The following SYCP1 variants were observed in gnomAD, a reference collection of about 807,000 sequenced individuals.
SYCP1 encodes cancer/testis antigen 8.
In SYCP1, 64 loss-of-function variants were observed where a neutral mutation model predicts 153.1. The observed-to-expected ratio is 0.42, with a 90% CI of 0.34 to 0.51. SYCP1 has a LOEUF of 0.51. Among genes scored for constraint, SYCP1 ranks in the 20% least tolerant of loss-of-function variants. SYCP1 has a pLI of 0.06. For missense variants in SYCP1, 997 were observed against 1,049.0 expected, an observed-to-expected ratio of 0.95 and a Z score of 0.68; for synonymous variants, 384 against 341.8, an observed-to-expected ratio of 1.12 and a Z score of -1.36.
intron 15 of SYCP1, among the ~76,000 whole-genome samples, chr1:114,889,566 A>G (rs1043992784): frequency 6.6e-6 from 1 of 151,926 alleles, no homozygotes; most frequent in Non-Finnish European, 1.5e-5. Context: ...TTTTTCTTGT[A>G]AACTTGTTTA....
At chr1:114,964,194 T>A (rs2101892691) in intron 27 of SYCP1, among the ~76,000 whole-genome samples, 1 of 152,340 alleles carries the variant, frequency 6.6e-6, no homozygotes, top group Middle Eastern at 3.4e-3. Context: ...TCTCTTCATA[T>A]CCTTTGCCCA....
At chr1:114,912,977 T>C in intron 18 of SYCP1, 56 bp from the exon 19 acceptor site, 1 of 1,245,880 alleles carries the variant, frequency 8.0e-7, no homozygotes, top group East Asian at 2.3e-5. Flanking sequence ...TAAAATTCCA[T>C]ATTATGTCAT....
intron 11 of SYCP1, 190 bp downstream of exon 11, chr1:114,877,000 T>C (rs1197188276): frequency 2.3e-5 from 6 of 264,312 alleles, no homozygotes; most frequent in African/African-American, 1.3e-4. Flanking sequence ...GTACTCACTC[T>C]AGCTTTTTTT....
intron 20 of SYCP1, among the ~76,000 whole-genome samples, chr1:114,914,725 A>G (rs1279682078): frequency 3.3e-5 from 5 of 152,172 alleles, no homozygotes; most frequent in Non-Finnish European, 7.3e-5. Context: ...CTAAGTTCCA[A>G]ATTAAGTCCA....
intron 27 of SYCP1, among the ~76,000 whole-genome samples, chr1:114,958,515 T>C (rs1350014968): frequency 6.6e-6 from 1 of 152,180 alleles, no homozygotes; most frequent in Non-Finnish European, 1.5e-5. Flanking sequence ...TTGATTATTA[T>C]GTATCATATA....
chr1:114,907,211 T>C (rs1054152226), intron 16 of SYCP1, among the ~76,000 whole-genome samples: 18 of 152,324 alleles, frequency 1.2e-4, no homozygotes, highest in African/African-American at 4.1e-4. Context: ...TATTTGTACA[T>C]ATGTGCTTAT....
chr1:114,928,518 G>A (rs1669407743), intron 23 of SYCP1, among the ~76,000 whole-genome samples: 1 of 152,164 alleles, frequency 6.6e-6, no homozygotes, highest in African/African-American at 2.4e-5. Flanking sequence ...TCAAGTTGAA[G>A]GAAAATGGCA....
At chr1:114,944,699 TCTTA>T (rs1670582893) in intron 24 of SYCP1, among the ~76,000 whole-genome samples, 169 bp from the exon 25 acceptor site, 1 of 151,890 alleles carries the variant, frequency 6.6e-6, no homozygotes, top group South Asian at 2.1e-4. Flanking sequence ...TATAGTGTCA[TCTTA>T]CTTCATAAAA....
At chr1:114,876,008 A>G (rs1205706549) in intron 9 of SYCP1, 61 bp from the exon 10 acceptor site, 1 of 1,134,212 alleles carries the variant, frequency 8.8e-7, no homozygotes, top group Non-Finnish European at 1.2e-6. Context: ...TAATATTTTC[A>G]TAGTTTGAAG....
At chr1:114,975,192 A>G (rs1051497992) in intron 27 of SYCP1, among the ~76,000 whole-genome samples, 5 of 151,694 alleles carry the variant, frequency 3.3e-5, no homozygotes, top group African/African-American at 1.2e-4. Context: ...TTTTAATCCA[A>G]TTTTTGTGTT....
intron 21 of SYCP1, among the ~76,000 whole-genome samples, chr1:114,925,310 A>T (rs191796776): frequency 6.6e-6 from 1 of 152,170 alleles, no homozygotes; most frequent in Non-Finnish European, 1.5e-5. Context: ...AAAAACATGA[A>T]TTTAATTTTT....
chr1:114,889,247 T>C (rs900764389), intron 15 of SYCP1, among the ~76,000 whole-genome samples: 2 of 152,164 alleles, frequency 1.3e-5, no homozygotes, highest in African/African-American at 4.8e-5. Context: ...GGTCAAATGG[T>C]ATTTCTAGTT....
At chr1:114,985,919 A>G (rs1673469048) in intron 30 of SYCP1, among the ~76,000 whole-genome samples, 1 of 151,840 alleles carries the variant, frequency 6.6e-6, no homozygotes, top group South Asian at 2.1e-4. Flanking sequence ...TTTGAAAAAA[A>G]AAAAAATAAA....
In SYCP1 at chr1:114,977,633, C is replaced by T. The variant is rs1186128576; in HGVS notation, c.2382+17C>T. 2 of 1,436,728 alleles carry T rather than the reference C, an allele frequency of 1.4e-6. No homozygotes were observed. The highest frequency in any genetic ancestry group is 2.4e-5 in the Admixed American group (1 of 42,518). The allele number at this position is 1,436,728 out of a possible 1,614,324, so 89.0% of individuals were successfully genotyped here. On this transcript the variant is annotated intron_variant, in intron 28 of 31. Transcript: ENST00000369522. ...AAAGACAAGGTAAGAGCATATAATTCTCATAGTTTTAAAATACCAATTCAT... is the reference window on the plus strand; with the variant it reads ...AAAGACAAGGTAAGAGCATATAATTTTCATAGTTTTAAAATACCAATTCAT...
intron 16 of SYCP1, among the ~76,000 whole-genome samples, chr1:114,909,104 A>T (rs970526239): frequency 6.6e-6 from 1 of 152,102 alleles, no homozygotes; most frequent in Non-Finnish European, 1.5e-5. Context: ...ATATGAATGT[A>T]TGCTTCATGG....
At position 114,915,808 on chromosome 1, in the gene SYCP1, A is replaced by G. The variant is rs1381621272; in HGVS notation, c.1718+1763A>G. ...ATTAGGTAAGTTAATTTGGTTTTGT[A>G]TAAAAGGCATGGTAATCCGGCAACA... On this transcript the variant is annotated intron_variant, in intron 20 of 31. Transcript: ENST00000369522. Among the ~76,000 whole-genome samples, 4 of 152,184 alleles carry G rather than the reference A, an allele frequency of 2.6e-5. No individual in the cohort carries two copies. In the East Asian group the frequency reaches 7.7e-4, roughly 29 times the overall value.
At chr1:114,944,603 T>A (rs1490408346) in intron 24 of SYCP1, 148 bp downstream of exon 24, 2 of 615,524 alleles carry the variant, frequency 3.2e-6, no homozygotes, top group Admixed American at 3.5e-5. Context: ...AGTTTATCAG[T>A]TTTTATAGAA....
intron 9 of SYCP1, among the ~76,000 whole-genome samples, chr1:114,875,715 C>T (rs964109821): frequency 7.9e-5 from 12 of 152,120 alleles, no homozygotes; most frequent in Non-Finnish European, 1.6e-4. Context: ...ACTTTGGATT[C>T]ATGGGGAGAG....
intron 27 of SYCP1, among the ~76,000 whole-genome samples, chr1:114,969,264 C>T (rs1223715560): frequency 6.6e-6 from 1 of 152,206 alleles, no homozygotes; most frequent in Non-Finnish European, 1.5e-5. Context: ...TTTAAGTCTG[C>T]TGAAGCTGCA....
Sources: gnomAD v4.1 joint callset for allele counts (sites outside exome capture counted in the v4.1 genomes callset) on GRCh38, gnomAD v4.1.1 for gene constraint, MANE v1.5 for transcripts, NCBI Gene and HGNC (gene_info 2026-07-23, HGNC 2026-07-21) for gene names.